DOCK1: variants seen among roughly 807,000 people sequenced by gnomAD.
DOCK1 encodes the protein dedicator of cytokinesis 1, also known as dedicator of cytokinesis protein 1.
Under a neutral mutation model 262.7 loss-of-function variants are expected in DOCK1, and 138 were observed. That is an observed-to-expected ratio of 0.53 (90% confidence interval 0.46 to 0.61). The LOEUF is 0.61. Among genes scored for constraint, DOCK1 ranks in the 20% least tolerant of loss-of-function variants. DOCK1 has a pLI of 0.00. For synonymous variants in DOCK1, 866 were observed against 867.4 expected (o/e 1.00, Z 0.03); for missense variants, 1,908 against 2,370.7 (o/e 0.80, Z 4.05).
intron 21 of DOCK1, among the ~76,000 whole-genome samples, chr10:127,047,372 T>C (rs189691108): frequency 1.3e-5 from 2 of 152,306 alleles, no homozygotes; most frequent in East Asian, 3.9e-4. Context: ...ACGATAAAAG[T>C]TCCCTTGTAT....
intron 27 of DOCK1, among the ~76,000 whole-genome samples, chr10:127,214,143 G>A (rs1271376304): frequency 2.6e-5 from 4 of 152,082 alleles, no homozygotes; most frequent in Admixed American, 1.3e-4. Flanking sequence ...CACTGCACCC[G>A]ACCTTTTTTT....
At chr10:127,368,019 T>G (rs2133990767) in intron 33 of DOCK1, among the ~76,000 whole-genome samples, 1 of 152,282 alleles carries the variant, frequency 6.6e-6, no homozygotes, top group Admixed American at 6.5e-5. Context: ...CTTGTGCCAC[T>G]TCCCTGCCCT....
At chr10:127,189,684 T>A (rs1001707727) in intron 27 of DOCK1, among the ~76,000 whole-genome samples, 4 of 152,072 alleles carry the variant, frequency 2.6e-5, no homozygotes, top group African/African-American at 9.7e-5. Flanking sequence ...AAATGAAAAA[T>A]ACGGTTTGAA....
intron 4 of DOCK1, among the ~76,000 whole-genome samples, chr10:126,986,858 C>T (rs532779698): frequency 2.3e-4 from 35 of 152,144 alleles, no homozygotes; most frequent in Admixed American, 2.1e-3. Context: ...TGCAGTGAGC[C>T]GAGATTGCAC....
intron 29 of DOCK1, among the ~76,000 whole-genome samples, chr10:127,295,943 G>A (rs1471193864): frequency 6.6e-6 from 1 of 152,206 alleles, no homozygotes; most frequent in Non-Finnish European, 1.5e-5. Context: ...TGATAATGAT[G>A]CTCTTAAGTA....
chr10:127,384,075 G>A (rs877749), intron 37 of DOCK1, among the ~76,000 whole-genome samples: 114,044 of 152,068 alleles, frequency 0.75, 42,931 homozygotes, highest in African/African-American at 0.82. Flanking sequence ...TCTTTGACCT[G>A]GTTTGTGGCA....
At chr10:127,028,316 T>C (rs2043017399) in intron 16 of DOCK1, among the ~76,000 whole-genome samples, 10 of 152,182 alleles carry the variant, frequency 6.6e-5, no homozygotes, top group Admixed American at 6.5e-4. Flanking sequence ...ACATCCTTGG[T>C]GGCCGAAGCT....
At chr10:127,428,990 C>T (rs1266442350) in intron 47 of DOCK1, among the ~76,000 whole-genome samples, 14 of 121,846 alleles carry the variant, frequency 1.1e-4, no homozygotes, top group Admixed American at 1.8e-4. Context: ...ATTGGGGTGC[C>T]GTGTGGATTG....
intron 30 of DOCK1, 115 bp from the exon 31 acceptor site, chr10:127,343,531 T>G: frequency 1.1e-6 from 1 of 877,434 alleles, no homozygotes; most frequent in South Asian, 1.9e-5. Context: ...GTGTGGGTTT[T>G]TTTTTTAACT....
At chr10:127,419,804 T>G (rs1590978841) in intron 46 of DOCK1, 55 bp downstream of exon 46, 3 of 1,529,390 alleles carry the variant, frequency 2.0e-6, no homozygotes, top group Admixed American at 2.0e-5. Flanking sequence ...GCTAGGAGGG[T>G]CTAGGCTCAG....
intron 6 of DOCK1, among the ~76,000 whole-genome samples, chr10:126,991,782 G>A (rs2039805877): frequency 6.6e-6 from 1 of 152,076 alleles, no homozygotes; most frequent in African/African-American, 2.4e-5. Flanking sequence ...ACCCGCCTTG[G>A]CATCACAAAG....
At chr10:127,449,751 G>C (rs55798271) in intron 51 of DOCK1, among the ~76,000 whole-genome samples, 25,326 of 152,060 alleles carry the variant, frequency 0.17, 3,043 homozygotes, top group African/African-American at 0.34. Flanking sequence ...ATGGGGGTGT[G>C]ATCAATATCC....
intron 10 of DOCK1, 85 bp from the exon 11 acceptor site, chr10:127,008,647 G>T: frequency 8.7e-7 from 1 of 1,150,732 alleles, no homozygotes; most frequent in Non-Finnish European, 1.3e-6. Flanking sequence ...TTTGCCAGAA[G>T]ATATTCTGAT....
At chr10:127,087,067 G>A (rs1429698012) in intron 23 of DOCK1, among the ~76,000 whole-genome samples, 1 of 152,142 alleles carries the variant, frequency 6.6e-6, no homozygotes, top group African/African-American at 2.4e-5. Context: ...GACTACATAA[G>A]CCTCCAGAAG....
At chr10:127,196,202 C>CCCGGCCCTGCTGGCCCGG (rs1199548072) in intron 27 of DOCK1, 2 of 149,778 alleles carry the variant, frequency 1.3e-5, no homozygotes, top group Admixed American at 6.6e-5. Flanking sequence ...CCGCTGCCGG[C>CCCGGCCCTGCTGGCCCGG]CCGGCCCTGC....
At chr10:127,421,382 T>A (rs558137360) in intron 46 of DOCK1, among the ~76,000 whole-genome samples, 22 of 152,308 alleles carry the variant, frequency 1.4e-4, no homozygotes, top group Admixed American at 1.3e-3. Flanking sequence ...TAGGATGGGT[T>A]GGATTTTTAT....
intron 1 of DOCK1, among the ~76,000 whole-genome samples, chr10:126,965,370 A>G (rs1056828963): frequency 0.015 from 2,218 of 152,156 alleles, 48 homozygotes; most frequent in African/African-American, 0.051. Context: ...GATGAGATGG[A>G]AAGATGGGTT....
intron 27 of DOCK1, among the ~76,000 whole-genome samples, chr10:127,206,014 C>T (rs1391355388): frequency 6.6e-6 from 1 of 152,084 alleles, no homozygotes; most frequent in Non-Finnish European, 1.5e-5. Context: ...TTGATTAAGG[C>T]TACCTTCAGA....
At chr10:127,038,650 G>A (rs1026543902) in intron 19 of DOCK1, among the ~76,000 whole-genome samples, 2 of 152,284 alleles carry the variant, frequency 1.3e-5, no homozygotes, top group East Asian at 1.9e-4. Context: ...CCCACGGGAC[G>A]CTCTGCAGCA....
Sources: allele counts gnomAD v4.1 joint callset (sites outside exome capture counted in the v4.1 genomes callset), GRCh38; gene constraint gnomAD v4.1.1; transcripts MANE v1.5; gene names NCBI Gene and HGNC (gene_info 2026-07-23, HGNC 2026-07-21).